Variants in SEMA5A observed in about 807,000 individuals in gnomAD.
The protein encoded by SEMA5A is semaphorin 5A.
A neutral mutation model predicts 135.5 loss-of-function variants in SEMA5A; 55 were observed. That is an observed-to-expected ratio of 0.41 (90% CI 0.33 to 0.51). The LOEUF is 0.51. SEMA5A is among the 20% of genes least tolerant of loss of function. SEMA5A has a pLI of 0.37. For synonymous variants in SEMA5A, 580 were observed against 546.5 expected (o/e 1.06, Z -0.85); for missense variants, 1,290 against 1,419.9 (o/e 0.91, Z 1.47).
At chr5:9,389,639 C>T (rs1756063345) in intron 2 of SEMA5A, among the ~76,000 whole-genome samples, 1 of 152,114 alleles carries the variant, frequency 6.6e-6, no homozygotes, top group Non-Finnish European at 1.5e-5. Context: ...GAACCCATGC[C>T]CTCCTCTGGA....
At chr5:9,392,057 G>A (rs1268477298) in intron 2 of SEMA5A, among the ~76,000 whole-genome samples, 1 of 152,090 alleles carries the variant, frequency 6.6e-6, no homozygotes, top group Non-Finnish European at 1.5e-5. Context: ...TGCAGATGGC[G>A]CTTGCTGGCC....
At chr5:9,307,858 T>C (rs1751943955) in intron 5 of SEMA5A, among the ~76,000 whole-genome samples, 1 of 152,152 alleles carries the variant, frequency 6.6e-6, no homozygotes. Flanking sequence ...ATTACATAAA[T>C]TGCCTGACTT....
intron 11 of SEMA5A, among the ~76,000 whole-genome samples, chr5:9,168,927 CAA>C (rs1743760908): frequency 1.3e-5 from 2 of 152,126 alleles, no homozygotes; most frequent in African/African-American, 4.8e-5. Context: ...AACCATTACC[CAA>C]AGAGTTACAT....
Position 9,066,440 on chromosome 5 carries a change from G to T in SEMA5A, c.2280C>A (p.Thr760=), listed in dbSNP as rs1233270918. The change falls in exon 17 of 23, where the codon ACC becomes ACA. Residue 760 remains threonine, a synonymous_variant. Transcript: ENST00000382496. ...ACTCACCATCTGTGGAGCAGCCACT[G>T]GTGCCGTCGCTAGAACAGTACCGCA... is the stretch of plus-strand genomic sequence containing the variant. The part of the protein sequence containing the change: ...IEMRYCSSDG[T]SGCSTDGLSG... 2 of 1,614,210 alleles carry T rather than the reference G, an allele frequency of 1.2e-6. No homozygotes were observed. Among genetic ancestry groups the T allele is most frequent in the Admixed American group, 3.3e-5 (2 of 60,030 alleles).
At chr5:9,245,906 A>G (rs1377342699) in intron 5 of SEMA5A, among the ~76,000 whole-genome samples, 1 of 152,212 alleles carries the variant, frequency 6.6e-6, no homozygotes, top group Non-Finnish European at 1.5e-5. Context: ...AGAAAAACAA[A>G]GTGATGGAAG....
At chr5:9,259,008 G>T (rs1242718551) in intron 5 of SEMA5A, among the ~76,000 whole-genome samples, 3 of 151,798 alleles carry the variant, frequency 2.0e-5, no homozygotes, top group Non-Finnish European at 4.4e-5. Flanking sequence ...TTTTGGTAGA[G>T]GTGGGGTTTC....
At chr5:9,341,668 T>A (rs1199738292) in intron 3 of SEMA5A, among the ~76,000 whole-genome samples, 4 of 77,212 alleles carry the variant, frequency 5.2e-5, no homozygotes, top group Non-Finnish European at 1.3e-4. Context: ...ATATATATAA[T>A]ATATATTATA....
At position 9,058,236 on chromosome 5, in the gene SEMA5A, G is replaced by A. The variant is rs117363645; in HGVS notation, c.2519-3979C>T. On this transcript the variant is annotated intron_variant, in intron 18 of 22. Transcript: ENST00000382496. Reference sequence around the variant, plus strand: ...TCTCCATCCTCACAACTGCCCTGGGGGTTGTTCCAGAAATGAAAGACTTGA... The same window carrying A: ...TCTCCATCCTCACAACTGCCCTGGGAGTTGTTCCAGAAATGAAAGACTTGA... 1.1e-3 allele frequency among the ~76,000 whole-genome samples: 161 copies of A among 152,264 alleles called. 3 individuals carry two copies. The East Asian group carries it at 0.027, about 26-fold the overall frequency.
chr5:9,454,611 C>A (rs544732907), intron 1 of SEMA5A, among the ~76,000 whole-genome samples: 2 of 152,108 alleles, frequency 1.3e-5, no homozygotes, highest in Non-Finnish European at 2.9e-5. Context: ...GAGATCTTAA[C>A]GTAAAAACAA....
chr5:9,292,619 A>G (rs1254799353), intron 5 of SEMA5A, among the ~76,000 whole-genome samples: 1 of 152,188 alleles, frequency 6.6e-6, no homozygotes, highest in African/African-American at 2.4e-5. Flanking sequence ...TTAAACAATC[A>G]ATTTTCATGG....
chr5:9,527,005 G>T (rs1737161325), intron 1 of SEMA5A, among the ~76,000 whole-genome samples: 1 of 152,178 alleles, frequency 6.6e-6, no homozygotes, highest in Admixed American at 6.5e-5. Context: ...CAGAAGGGTT[G>T]TATGGCAAAC....
chr5:9,323,448 TTATG>T (rs1215414180), intron 4 of SEMA5A, among the ~76,000 whole-genome samples: 1 of 151,604 alleles, frequency 6.6e-6, no homozygotes, highest in African/African-American at 2.4e-5. Context: ...TAATAAGTAC[TTATG>T]TATTTGTTAA....
chr5:9,081,860 TAAGAGAATTCACAGAACTTA>T (rs1561133884), intron 16 of SEMA5A, among the ~76,000 whole-genome samples: 1 of 152,204 alleles, frequency 6.6e-6, no homozygotes, highest in Non-Finnish European at 1.5e-5. Flanking sequence ...TCTTCTGCTT[TAAGAGAATTCACAGAACTTA>T]AAGCGGTGTT....
intron 11 of SEMA5A, among the ~76,000 whole-genome samples, chr5:9,165,394 CATTCTCTTTTTATTA>C (rs1743547308): frequency 6.6e-6 from 1 of 152,110 alleles, no homozygotes; most frequent in Non-Finnish European, 1.5e-5. Flanking sequence ...ATCTGGATTC[CATTCTCTTTTTATTA>C]ATTCTGTAAC....
chr5:9,297,235 TAA>T (rs1318772724), intron 5 of SEMA5A, among the ~76,000 whole-genome samples: 1 of 152,134 alleles, frequency 6.6e-6, no homozygotes, highest in African/African-American at 2.4e-5. Flanking sequence ...TACTTTTTCC[TAA>T]GTTTTTTTTC....
At chr5:9,217,629 G>A (rs897732318) in intron 8 of SEMA5A, among the ~76,000 whole-genome samples, 1 of 152,132 alleles carries the variant, frequency 6.6e-6, no homozygotes, top group African/African-American at 2.4e-5. Flanking sequence ...GGGATGCCGA[G>A]GATTCATAGA....
At chr5:9,324,290 T>C (rs1752772747) in intron 4 of SEMA5A, among the ~76,000 whole-genome samples, 1 of 151,146 alleles carries the variant, frequency 6.6e-6, no homozygotes, top group Non-Finnish European at 1.5e-5. Flanking sequence ...GGATGGTCTC[T>C]ATCTCCTGAC....
At chr5:9,291,666 C>T (rs1168058455) in intron 5 of SEMA5A, among the ~76,000 whole-genome samples, 1 of 151,902 alleles carries the variant, frequency 6.6e-6, no homozygotes, top group Non-Finnish European at 1.5e-5. Flanking sequence ...CATGCAGTCC[C>T]TGTGAGTGGA....
chr5:9,231,341 G>A (rs1036910148), intron 6 of SEMA5A, among the ~76,000 whole-genome samples: 7 of 151,936 alleles, frequency 4.6e-5, no homozygotes, highest in Non-Finnish European at 1.5e-5. Context: ...ATGCATGCCT[G>A]TAACCCCAGC....
Sources: allele counts gnomAD v4.1 joint callset (sites outside exome capture counted in the v4.1 genomes callset), GRCh38; gene constraint gnomAD v4.1.1; transcripts MANE v1.5; gene names NCBI Gene and HGNC (gene_info 2026-07-23, HGNC 2026-07-21).